TMEFF2: variants seen among roughly 807,000 people sequenced by gnomAD.
TMEFF2 encodes tomoregulin-2.
Under a neutral mutation model 53.8 loss-of-function variants are expected in TMEFF2, and 28 were observed. The observed-to-expected ratio is 0.52, with a 90% CI of 0.39 to 0.71. The LOEUF (loss-of-function observed/expected upper bound fraction) is 0.71, where lower values mean the gene tolerates loss of function less well. TMEFF2 is among the 30% of genes least tolerant of loss of function. The pLI is 0.00. For missense variants in TMEFF2, 353 were observed against 455.2 expected (o/e 0.78, Z 2.04); for synonymous variants, 162 against 166.3 (o/e 0.97, Z 0.20).
chr2:192,130,783 T>C (rs12693630), intron 4 of TMEFF2, among the ~76,000 whole-genome samples: 151,269 of 152,052 alleles, frequency 0.99, 75,250 homozygotes, highest in Middle Eastern at 1. Context: ...TCACACAAAG[T>C]CTGTTTGGTG....
rs376949385 is a variant in TMEFF2 at position 192,051,493 on chromosome 2, T to C, written c.536+6186A>G. 3.9e-4 allele frequency among the ~76,000 whole-genome samples: 59 copies of C among 152,332 alleles called. No homozygotes were observed. The East Asian group carries it at 0.01, about 26-fold the overall frequency. The stretch of plus-strand genomic sequence containing the variant: ...CAGTTTCCATTTTAAATACAATCTT[T>C]TTGTTCAATTGTCAACCAGGAGTGG... On this transcript the variant is annotated intron_variant, in intron 5 of 9. Coordinates refer to ENST00000272771, the MANE Select transcript of TMEFF2 (RefSeq NM_016192.4).
At chr2:192,127,574 G>A (rs1466919756) in intron 4 of TMEFF2, among the ~76,000 whole-genome samples, 1 of 152,172 alleles carries the variant, frequency 6.6e-6, no homozygotes, top group African/African-American at 2.4e-5. Flanking sequence ...TTGCTGGCAT[G>A]GAACTATGAT....
intron 7 of TMEFF2, among the ~76,000 whole-genome samples, chr2:191,975,710 A>C (rs1685708383): frequency 6.6e-6 from 1 of 152,164 alleles, no homozygotes; most frequent in Admixed American, 6.5e-5. Context: ...GCCAGGCTTA[A>C]TTGCATCCAA....
chr2:192,192,135 A>T, intron 1 of TMEFF2, 146 bp from the exon 2 acceptor site: 1 of 581,828 alleles, frequency 1.7e-6, no homozygotes. Context: ...GTCTACTGAT[A>T]ACCTCAAAAT....
At chr2:192,116,445 C>G (rs1204857539) in intron 4 of TMEFF2, among the ~76,000 whole-genome samples, 1 of 151,770 alleles carries the variant, frequency 6.6e-6, no homozygotes, top group African/African-American at 2.4e-5. Flanking sequence ...GTATTGTATA[C>G]GTGAAACTTG....
At chr2:192,170,705 G>T (rs564949711) in intron 4 of TMEFF2, among the ~76,000 whole-genome samples, 1 of 152,094 alleles carries the variant, frequency 6.6e-6, no homozygotes, top group African/African-American at 2.4e-5. Flanking sequence ...AACATTATTT[G>T]AAATCCAGTT....
rs145970802 is a variant in TMEFF2, at chr2:191,976,434, A to G, written c.746-20056T>C. Among the ~76,000 whole-genome samples, 445 of 152,350 alleles carry G rather than the reference A, an allele frequency of 2.9e-3. 5 individuals are homozygous for G. The East Asian group carries it at 0.046, about 16-fold the overall frequency. ...TAAAAAGGAACCATTGAGAAGGAAG[A>G]AATGGACATAGACATACATTTTCTC... On this transcript the variant is annotated intron_variant, in intron 7 of 9. Transcript: ENST00000272771.
intron 9 of TMEFF2, among the ~76,000 whole-genome samples, chr2:191,952,283 A>G (rs1691909553): frequency 1.3e-5 from 2 of 152,214 alleles, no homozygotes; most frequent in Admixed American, 6.5e-5. Flanking sequence ...ATGTATGGGA[A>G]TGCAACTGTG....
chr2:192,060,826 T>A (rs1688026852), intron 4 of TMEFF2, among the ~76,000 whole-genome samples: 1 of 152,166 alleles, frequency 6.6e-6, no homozygotes, highest in Non-Finnish European at 1.5e-5. Flanking sequence ...GCTCTTTTAT[T>A]TTGAGTTGCA....
intron 4 of TMEFF2, among the ~76,000 whole-genome samples, chr2:192,094,644 A>AC (rs1688863560): frequency 6.6e-6 from 1 of 152,190 alleles, no homozygotes; most frequent in Non-Finnish European, 1.5e-5. Flanking sequence ...CTCTTCTTAA[A>AC]CCAGTCTATC....
chr2:192,126,097 GA>G (rs1431765189), intron 4 of TMEFF2, among the ~76,000 whole-genome samples: 3 of 152,144 alleles, frequency 2.0e-5, no homozygotes, highest in Non-Finnish European at 4.4e-5. Context: ...AAATGCAAGT[GA>G]AAAATTCAGT....
At chr2:191,957,317 T>G (rs1323954717) in intron 7 of TMEFF2, among the ~76,000 whole-genome samples, 1 of 152,216 alleles carries the variant, frequency 6.6e-6, no homozygotes, top group Non-Finnish European at 1.5e-5. Flanking sequence ...CTTGAAAATT[T>G]CTGCCCAAAC....
chr2:191,995,375 G>T (rs138318664), intron 7 of TMEFF2, among the ~76,000 whole-genome samples: 1 of 152,102 alleles, frequency 6.6e-6, no homozygotes, highest in Non-Finnish European at 1.5e-5. Flanking sequence ...AGGCAAAAAT[G>T]ATAGTATGTT....
At chr2:191,975,977 C>G (rs1685715268) in intron 7 of TMEFF2, among the ~76,000 whole-genome samples, 1 of 152,118 alleles carries the variant, frequency 6.6e-6, no homozygotes, top group Admixed American at 6.5e-5. Context: ...CTCTTATTCT[C>G]TAAATATTTC....
chr2:192,142,029 T>C (rs1690150246), intron 4 of TMEFF2, among the ~76,000 whole-genome samples: 1 of 152,078 alleles, frequency 6.6e-6, no homozygotes, highest in Admixed American at 6.6e-5. Context: ...ATAAAGACTT[T>C]ACAGAAAAAA....
chr2:192,105,760 A>G (rs1304038969), intron 4 of TMEFF2, among the ~76,000 whole-genome samples: 5 of 151,982 alleles, frequency 3.3e-5, no homozygotes, highest in Non-Finnish European at 7.4e-5. Flanking sequence ...AAAGGATCCA[A>G]GTTATTATAT....
intron 3 of TMEFF2, among the ~76,000 whole-genome samples, chr2:192,182,520 G>T (rs1286871598): frequency 6.6e-6 from 1 of 151,938 alleles, no homozygotes; most frequent in Non-Finnish European, 1.5e-5. Flanking sequence ...TATTTTCATA[G>T]TATAACCAGC....
At chr2:191,998,682 A>G (rs1686282399) in intron 6 of TMEFF2, among the ~76,000 whole-genome samples, 1 of 149,370 alleles carries the variant, frequency 6.7e-6, no homozygotes, top group Non-Finnish European at 1.5e-5. Context: ...TTTGTACTGA[A>G]TCAATACATA....
At chr2:192,035,415 A>T (rs1191633273) in intron 5 of TMEFF2, 9 of 152,218 alleles carry the variant, frequency 5.9e-5, no homozygotes, top group Non-Finnish European at 1.3e-4. Flanking sequence ...GAGGTAGGAA[A>T]TTGGAAATAT....
Sources: gnomAD v4.1 joint callset for allele counts (sites outside exome capture counted in the v4.1 genomes callset) on GRCh38, gnomAD v4.1.1 for gene constraint, MANE v1.5 for transcripts, NCBI Gene and HGNC (gene_info 2026-07-23, HGNC 2026-07-21) for gene names.